The following MCMDC2 variants were observed in gnomAD, a reference collection of about 807,000 sequenced individuals.
The protein encoded by MCMDC2 is minichromosome maintenance domain containing 2.
MCMDC2 carries 54 observed loss-of-function variants against 75.8 expected under a neutral mutation model. The observed-to-expected ratio is 0.71, with a 90% CI of 0.57 to 0.89. The LOEUF is 0.89. Ranked by LOEUF, MCMDC2 falls within the 40% of genes least tolerant of loss-of-function variation. The probability of loss-of-function intolerance (pLI) is 0.00; values close to 1 mark genes in which losing one functional copy is unlikely to be tolerated. For synonymous variants in MCMDC2, 249 were observed against 274.6 expected, an observed-to-expected ratio of 0.91 and a Z score of 0.92; for missense variants, 656 against 780.4, an observed-to-expected ratio of 0.84 and a Z score of 1.90.
intron 12 of MCMDC2, 78 bp from the exon 13 acceptor site, chr8:66,901,128 G>C: frequency 9.9e-7 from 1 of 1,009,760 alleles, no homozygotes; most frequent in Non-Finnish European, 1.5e-6. Flanking sequence ...TAAAAATAAA[G>C]TGCCAGTATA....
At chr8:66,905,459 C>T (rs1812869180) in intron 14 of MCMDC2, 124 bp downstream of exon 14, 1 of 909,600 alleles carries the variant, frequency 1.1e-6, no homozygotes, top group Non-Finnish European at 1.4e-6. Context: ...TAACAAATCT[C>T]TACCAGGTAA....
At chr8:66,923,905 AC>A (rs1813639453), downstream of MCMDC2, among the ~76,000 whole-genome samples, 1 of 151,300 alleles carries the variant, frequency 6.6e-6, no homozygotes, top group Non-Finnish European at 1.5e-5. Flanking sequence ...GCAACAAAAA[AC>A]CCCACAAAGC....
intron 12 of MCMDC2, among the ~76,000 whole-genome samples, chr8:66,899,279 C>T (rs550497687): frequency 1.3e-5 from 2 of 152,322 alleles, no homozygotes; most frequent in East Asian, 3.9e-4. Flanking sequence ...CCTGAAGGGG[C>T]TGACAGCACT....
At chr8:66,905,978 C>T (rs1028575608) in intron 14 of MCMDC2, among the ~76,000 whole-genome samples, 3 of 146,636 alleles carry the variant, frequency 2.0e-5, no homozygotes, top group Admixed American at 7.0e-5. Context: ...GCACTCCAGT[C>T]TGGGTGACAG....
rs1001719876 is a variant in MCMDC2, at chr8:66,921,037, T to C, written c.*1868T>C. The C allele has an allele frequency of 6.6e-6, 1 of 152,084 alleles. No homozygotes were observed. The highest frequency in any genetic ancestry group is 6.6e-5 in the Admixed American group (1 of 15,258). 9.4% of individuals were successfully genotyped at this position (152,084 alleles called of 1,614,324 possible). A position where few individuals can be genotyped will look rare whatever the true frequency, so the allele number is the denominator to read the frequency against. ...TATGTAGCTGTCACCCAAGCTGTAG[T>C]GTACTGATGCAATCATAGCTCACTG... On this transcript the variant is annotated 3_prime_UTR_variant, in exon 15 of 15. Coordinates refer to ENST00000422365, the MANE Select transcript of MCMDC2 (RefSeq NM_173518.5).
At chr8:66,892,375 C>T (rs1009529936) in intron 10 of MCMDC2, among the ~76,000 whole-genome samples, 2 of 152,182 alleles carry the variant, frequency 1.3e-5, no homozygotes, top group African/African-American at 2.4e-5. Flanking sequence ...TGTCATGGCC[C>T]TTTTCACACC....
rs1474586344 is a variant in MCMDC2, at chr8:66,920,244, GTTTT to G, written c.*1078_*1081del. 1 of 152,202 alleles carries G rather than the reference GTTTT, an allele frequency of 6.6e-6. No individual in the cohort carries two copies. Among genetic ancestry groups the G allele is most frequent in the Non-Finnish European group, 1.5e-5 (1 of 68,110 alleles). 9.4% of individuals were successfully genotyped at this position (152,202 alleles called of 1,614,324 possible). A position where few individuals can be genotyped will look rare whatever the true frequency, so the allele number is the denominator to read the frequency against. ...TTCAGAAGCCAAAGGTAGTGTTTTTGTTTTTTGTTTTTTTGAGATGGGGTCTCGC... is the reference window on the plus strand; with the variant it reads ...TTCAGAAGCCAAAGGTAGTGTTTTTGTTGTTTTTTTGAGATGGGGTCTCGC... On this transcript the variant is annotated 3_prime_UTR_variant, in exon 15 of 15. Transcript: ENST00000422365.
intron 10 of MCMDC2, among the ~76,000 whole-genome samples, chr8:66,892,929 G>A (rs1002667374): frequency 6.6e-6 from 1 of 152,210 alleles, no homozygotes; most frequent in African/African-American, 2.4e-5. Context: ...TGGTCATGGT[G>A]TATAATTCTT....
At chr8:66,877,328 C>T in intron 4 of MCMDC2, 21 bp from the exon 5 acceptor site, 1 of 1,492,274 alleles carries the variant, frequency 6.7e-7, no homozygotes, top group Non-Finnish European at 9.1e-7. Context: ...TTCATTAATA[C>T]CATTTTTATG....
Position 66,880,929 on chromosome 8 carries a change from G to A in MCMDC2, c.790G>A (p.Ala264Thr). The A allele has an allele frequency of 6.4e-7, 1 of 1,571,228 alleles. No homozygotes were observed. Among genetic ancestry groups the A allele is most frequent in the Non-Finnish European group, 8.6e-7 (1 of 1,159,400 alleles). ...IPTCVKTSQT[A>T]VCIEANSITF... The stretch of plus-strand genomic sequence containing the variant: ...AACCTGTGTAAAAACCTCACAAACT[G>A]CTGTCTGTATAGAAGCAAATAGCAT... Residue 264 changes from alanine to threonine, a missense_variant, in exon 8 of 15, where the codon GCT (alanine) becomes ACT (threonine). Transcript: ENST00000422365.
chr8:66,875,681 A>C (rs111759488), intron 4 of MCMDC2, among the ~76,000 whole-genome samples: 1 of 152,190 alleles, frequency 6.6e-6, no homozygotes, highest in African/African-American at 2.4e-5. Context: ...AATTTGCCCA[A>C]TTGTTTCAAG....
chr8:66,904,200 A>T (rs1812816405), intron 13 of MCMDC2, among the ~76,000 whole-genome samples: 1 of 152,130 alleles, frequency 6.6e-6, no homozygotes, highest in Non-Finnish European at 1.5e-5. Flanking sequence ...TACTGCACTG[A>T]AAAGGAGTAT....
intron 14 of MCMDC2, among the ~76,000 whole-genome samples, chr8:66,917,194 T>C (rs74478083): frequency 0.035 from 5,269 of 152,066 alleles, 328 homozygotes; most frequent in African/African-American, 0.12. Flanking sequence ...AGGAAAGCAG[T>C]GTTCTTAAGA....
At chr8:66,895,400 CTTT>C (rs34840665) in intron 10 of MCMDC2, among the ~76,000 whole-genome samples, 6 of 136,334 alleles carry the variant, frequency 4.4e-5, no homozygotes, top group Non-Finnish European at 4.8e-5. Context: ...TTCTTTCTTT[CTTT>C]TTTTTTTTTT....
intron 14 of MCMDC2, among the ~76,000 whole-genome samples, chr8:66,917,591 G>C (rs1159182800): frequency 6.6e-6 from 1 of 152,028 alleles, no homozygotes; most frequent in African/African-American, 2.4e-5. Context: ...TACTCCTCCT[G>C]GGAGCCATCA....
chr8:66,913,612 A>G (rs1210253582), intron 14 of MCMDC2, among the ~76,000 whole-genome samples: 1 of 152,210 alleles, frequency 6.6e-6, no homozygotes, highest in Admixed American at 6.5e-5. Flanking sequence ...TAGTAGTGAA[A>G]AAAGTTGCAG....
intron 5 of MCMDC2, among the ~76,000 whole-genome samples, chr8:66,877,966 TTA>T (rs1811376836): frequency 2.0e-5 from 3 of 152,134 alleles, no homozygotes; most frequent in South Asian, 4.1e-4. Flanking sequence ...AATAAAAATT[TTA>T]TGTCTCCTAA....
chr8:66,905,382 A>G (rs1363275434), intron 14 of MCMDC2, 47 bp downstream of exon 14: 2 of 1,339,282 alleles, frequency 1.5e-6, no homozygotes, highest in Non-Finnish European at 2.0e-6. Flanking sequence ...CTTTTATTTA[A>G]CCTTAAATAT....
chr8:66,873,616 G>A (rs187985891), intron 1 of MCMDC2, among the ~76,000 whole-genome samples: 38 of 152,170 alleles, frequency 2.5e-4, no homozygotes, highest in African/African-American at 8.7e-4. Context: ...GGCTGGGCGC[G>A]ATGGCTCACA....
Sources: allele counts gnomAD v4.1 joint callset (sites outside exome capture counted in the v4.1 genomes callset), GRCh38; gene constraint gnomAD v4.1.1; transcripts MANE v1.5; gene names NCBI Gene and HGNC (gene_info 2026-07-23, HGNC 2026-07-21).